POU6F2: variants seen among roughly 807,000 people sequenced by gnomAD.
POU6F2 encodes the protein POU domain, class 6, transcription factor 2.
In POU6F2, 31 loss-of-function variants were observed where a neutral mutation model predicts 71.3. The ratio of observed to expected loss-of-function variants is 0.43; its 90% CI spans 0.33 to 0.59. The LOEUF is 0.59. Among genes scored for constraint, POU6F2 ranks in the 20% least tolerant of loss-of-function variants. The pLI is 0.04. For missense variants in POU6F2, 783 were observed against 856.8 expected (o/e 0.91, Z 1.07); for synonymous variants, 347 against 355.7 (o/e 0.98, Z 0.27).
intron 2 of POU6F2, among the ~76,000 whole-genome samples, chr7:39,152,904 A>G (rs949145025): frequency 6.6e-6 from 1 of 152,166 alleles, no homozygotes; most frequent in Non-Finnish European, 1.5e-5. Flanking sequence ...TGCTGCCTTT[A>G]TATATAGTTA....
chr7:39,021,776 A>G (rs964630814), intron 1 of POU6F2, among the ~76,000 whole-genome samples: 5 of 152,088 alleles, frequency 3.3e-5, no homozygotes, highest in Admixed American at 2.0e-4. Context: ...GATGATTTAC[A>G]TGGGAATAAA....
intron 6 of POU6F2, among the ~76,000 whole-genome samples, chr7:39,415,732 A>G (rs1192305529): frequency 1.3e-5 from 2 of 152,204 alleles, no homozygotes; most frequent in Non-Finnish European, 2.9e-5. Flanking sequence ...GAAAAGAACA[A>G]TGAAAATAAT....
intron 4 of POU6F2, among the ~76,000 whole-genome samples, chr7:39,274,215 G>T (rs1219295211): frequency 6.6e-6 from 1 of 152,018 alleles, no homozygotes; most frequent in Non-Finnish European, 1.5e-5. Flanking sequence ...TGATAAAGGG[G>T]ATATCACCAC....
intron 4 of POU6F2, among the ~76,000 whole-genome samples, chr7:39,323,479 G>A (rs956021255): frequency 4.6e-5 from 7 of 152,090 alleles, no homozygotes; most frequent in East Asian, 3.8e-4. Context: ...GGACATCCCC[G>A]TCTGCTGGCT....
chr7:39,320,974 T>C (rs1231152196), intron 4 of POU6F2, among the ~76,000 whole-genome samples: 1 of 152,206 alleles, frequency 6.6e-6, no homozygotes, highest in Non-Finnish European at 1.5e-5. Flanking sequence ...GAGGATCGCT[T>C]GATCCCAGGA....
At chr7:39,462,287 T>C (rs914172447) in intron 9 of POU6F2, among the ~76,000 whole-genome samples, 1 of 152,220 alleles carries the variant, frequency 6.6e-6, no homozygotes, top group Admixed American at 6.5e-5. Context: ...TGGGCCTTTC[T>C]CTAGCTTCCA....
chr7:39,310,997 G>A (rs912822257), intron 4 of POU6F2, among the ~76,000 whole-genome samples: 2 of 152,164 alleles, frequency 1.3e-5, no homozygotes, highest in East Asian at 1.9e-4. Flanking sequence ...GGGACAGTTA[G>A]GAGGGTGATC....
intron 2 of POU6F2, among the ~76,000 whole-genome samples, chr7:39,200,286 C>T (rs1793871269): frequency 6.6e-6 from 1 of 152,206 alleles, no homozygotes; most frequent in Non-Finnish European, 1.5e-5. Context: ...TTCACGTGAG[C>T]TACGCTTTAG....
chr7:39,229,164 C>G (rs537882597), intron 4 of POU6F2, among the ~76,000 whole-genome samples: 1 of 152,318 alleles, frequency 6.6e-6, no homozygotes, highest in South Asian at 2.1e-4. Flanking sequence ...TAGAAAACAG[C>G]AGCCCTCTTG....
chr7:39,195,860 A>G (rs1179951280), intron 2 of POU6F2, among the ~76,000 whole-genome samples: 1 of 152,148 alleles, frequency 6.6e-6, no homozygotes, highest in Non-Finnish European at 1.5e-5. Context: ...TGCAGGTAGC[A>G]GGTAAGAAAA....
chr7:39,199,635 A>C (rs926779734), intron 2 of POU6F2, among the ~76,000 whole-genome samples: 2 of 152,124 alleles, frequency 1.3e-5, no homozygotes, highest in African/African-American at 4.8e-5. Context: ...AGGGCACTGA[A>C]GAAAGGAGTG....
At chr7:39,189,376 GTGTTTGTT>G (rs58113907) in intron 2 of POU6F2, among the ~76,000 whole-genome samples, 2 of 151,142 alleles carry the variant, frequency 1.3e-5, no homozygotes, top group Non-Finnish European at 3.0e-5. Context: ...TTTTGTTTGT[GTGTTTGTT>G]TGTTTGTTTG....
At chr7:39,187,286 T>C (rs1793560212) in intron 2 of POU6F2, among the ~76,000 whole-genome samples, 1 of 152,212 alleles carries the variant, frequency 6.6e-6, no homozygotes, top group Non-Finnish European at 1.5e-5. Flanking sequence ...GATCCCTGCC[T>C]GGGGCTGGTG....
rs34648607 is a variant in POU6F2, at chr7:39,101,073, CTT to C, written c.277+15058_277+15059del. On this transcript the variant is annotated intron_variant, in intron 2 of 9. Coordinates refer to ENST00000518318, the MANE Select transcript of POU6F2 (RefSeq NM_001370959.1). The stretch of plus-strand genomic sequence containing the variant: ...TATTTTTATAAAAGTTAAGTGTATT[CTT>C]TTTTTTTTTTTTTTTGAGACAGAGT... 8.9e-3 allele frequency among the ~76,000 whole-genome samples: 1,028 copies of C among 115,764 alleles called. 7 individuals carry two copies. Among genetic ancestry groups the C allele is most frequent in the South Asian group, 0.029 (101 of 3,506 alleles). 75.9% of individuals were successfully genotyped at this position (115,764 alleles called of 152,430 possible).
intron 9 of POU6F2, among the ~76,000 whole-genome samples, chr7:39,462,675 G>T (rs2116171819): frequency 6.6e-6 from 1 of 152,308 alleles, no homozygotes; most frequent in Non-Finnish European, 1.5e-5. Flanking sequence ...CTTTTGAGGA[G>T]CTTGCCATAA....
At chr7:39,290,730 T>C (rs1373020653) in intron 4 of POU6F2, among the ~76,000 whole-genome samples, 1 of 152,220 alleles carries the variant, frequency 6.6e-6, no homozygotes, top group Non-Finnish European at 1.5e-5. Flanking sequence ...TGAGATGCTC[T>C]GCAGGACTTT....
chr7:39,145,766 G>A (rs1584566601), intron 2 of POU6F2, among the ~76,000 whole-genome samples: 1 of 152,244 alleles, frequency 6.6e-6, no homozygotes, highest in East Asian at 1.9e-4. Context: ...TGGGGTTGTG[G>A]ATGATTCTTA....
At chr7:39,057,906 G>T (rs962442169) in intron 1 of POU6F2, among the ~76,000 whole-genome samples, 2 of 152,248 alleles carry the variant, frequency 1.3e-5, no homozygotes, top group South Asian at 4.1e-4. Flanking sequence ...CTCACATTGG[G>T]TATTGGTTTA....
intron 1 of POU6F2, among the ~76,000 whole-genome samples, chr7:38,994,298 A>G (rs545167090): frequency 1.5e-4 from 23 of 152,128 alleles, no homozygotes; most frequent in Non-Finnish European, 2.8e-4. Context: ...TCATGGTGGT[A>G]TAATGACTGG....
Sources: gnomAD v4.1 joint callset for allele counts (sites outside exome capture counted in the v4.1 genomes callset) on GRCh38, gnomAD v4.1.1 for gene constraint, MANE v1.5 for transcripts, NCBI Gene and HGNC (gene_info 2026-07-23, HGNC 2026-07-21) for gene names.